TLK1: variants seen among roughly 807,000 people sequenced by gnomAD.
TLK1 encodes the protein serine/threonine-protein kinase tousled-like 1.
A neutral mutation model predicts 105.3 loss-of-function variants in TLK1; 24 were observed. That is an observed-to-expected ratio of 0.23 (90% CI 0.17 to 0.32). The LOEUF is 0.32. Among genes scored for constraint, TLK1 ranks in the 10% least tolerant of loss-of-function variants. The pLI, the probability that TLK1 is intolerant of heterozygous loss-of-function variation, is 1.00. For missense variants in TLK1, 558 were observed against 910.5 expected, an observed-to-expected ratio of 0.61 and a Z score of 4.98; for synonymous variants, 321 against 310.4, an observed-to-expected ratio of 1.03 and a Z score of -0.36.
chr2:171,192,956 T>A (rs567008085), intron 1 of TLK1, among the ~76,000 whole-genome samples: 3 of 152,372 alleles, frequency 2.0e-5, no homozygotes, highest in East Asian at 3.9e-4. Context: ...AGCTGCCTAA[T>A]AGATCAATAT....
intron 1 of TLK1, among the ~76,000 whole-genome samples, chr2:171,185,237 A>G (rs1347587581): frequency 2.0e-5 from 3 of 151,528 alleles, no homozygotes; most frequent in African/African-American, 7.3e-5. Context: ...TTGGGACCTC[A>G]TCATTTCTCC....
intron 3 of TLK1, chr2:171,066,887 G>C (rs1007163194): frequency 6.4e-7 from 1 of 1,552,020 alleles, no homozygotes; most frequent in African/African-American, 1.4e-5. Flanking sequence ...CAGCCATTTA[G>C]AACAACTGCT....
At chr2:171,205,385 C>T (rs218315) in intron 1 of TLK1, among the ~76,000 whole-genome samples, 78,732 of 151,496 alleles carry the variant, frequency 0.52, 21,811 homozygotes, top group East Asian at 0.77. Flanking sequence ...TGCAGTGGCA[C>T]AATCTGAGCT....
At chr2:171,068,578 A>C (rs895142606) in intron 3 of TLK1, among the ~76,000 whole-genome samples, 4 of 152,198 alleles carry the variant, frequency 2.6e-5, no homozygotes, top group Admixed American at 6.5e-5. Flanking sequence ...TTATGCTGGA[A>C]TCTCCAGTCC....
intron 3 of TLK1, among the ~76,000 whole-genome samples, chr2:171,081,428 G>A (rs990437472): frequency 5.3e-5 from 8 of 152,066 alleles, no homozygotes; most frequent in Admixed American, 4.6e-4. Flanking sequence ...TGAAACAGGA[G>A]GCAGGTGAAA....
At chr2:171,107,513 T>A (rs925208496) in intron 2 of TLK1, among the ~76,000 whole-genome samples, 2 of 152,186 alleles carry the variant, frequency 1.3e-5, no homozygotes, top group Non-Finnish European at 2.9e-5. Flanking sequence ...TTATGTATTA[T>A]AACAACAAGC....
chr2:171,144,331 C>G (rs192282450), intron 1 of TLK1, among the ~76,000 whole-genome samples: 8 of 152,000 alleles, frequency 5.3e-5, no homozygotes, highest in African/African-American at 1.4e-4. Context: ...ATGGAAAAGA[C>G]AGCTAGAGAA....
At chr2:171,071,413 G>A (rs913566690) in intron 3 of TLK1, among the ~76,000 whole-genome samples, 1 of 151,820 alleles carries the variant, frequency 6.6e-6, no homozygotes, top group Non-Finnish European at 1.5e-5. Context: ...TCAGCCTCCC[G>A]AGTAGCTGGG....
At chr2:171,209,633 G>A (rs964451011) in intron 1 of TLK1, among the ~76,000 whole-genome samples, 2 of 152,154 alleles carry the variant, frequency 1.3e-5, no homozygotes, top group Admixed American at 1.3e-4. Context: ...TGTATTTGAA[G>A]ATATGATCTT....
intron 11 of TLK1, among the ~76,000 whole-genome samples, chr2:171,032,417 T>C (rs1185172628): frequency 6.6e-6 from 1 of 151,888 alleles, no homozygotes; most frequent in Non-Finnish European, 1.5e-5. Context: ...ATGAGAGCAA[T>C]GCACAAAAAT....
At chr2:171,200,472 G>A (rs1304622772) in intron 1 of TLK1, among the ~76,000 whole-genome samples, 1 of 152,144 alleles carries the variant, frequency 6.6e-6, no homozygotes, top group African/African-American at 2.4e-5. Context: ...CAGTCTTGCC[G>A]CAATGTATTG....
intron 1 of TLK1, among the ~76,000 whole-genome samples, chr2:171,198,169 G>A (rs1693312186): frequency 6.6e-6 from 1 of 152,122 alleles, no homozygotes; most frequent in African/African-American, 2.4e-5. Flanking sequence ...ATAGTTACCA[G>A]AGGTAAGCAA....
chr2:171,006,138 T>C lies in TLK1; in HGVS notation c.1904+9A>G, dbSNP rs1422894088. 1.9e-6 allele frequency: 3 copies of C among 1,567,316 alleles called. No homozygotes were observed. The East Asian group carries it at 6.8e-5, about 35-fold the overall frequency. On this transcript the variant is annotated intron_variant, in intron 18 of 20. Coordinates refer to ENST00000431350, the MANE Select transcript of TLK1 (RefSeq NM_012290.5). ...CTAGACATTCTGATGTTTTTAGTAA[T>C]ACACTTACCAGTAAGTGCCTGCCCC...
At chr2:171,101,268 C>T (rs1037378120) in intron 2 of TLK1, among the ~76,000 whole-genome samples, 2 of 133,068 alleles carry the variant, frequency 1.5e-5, no homozygotes, top group African/African-American at 2.8e-5. Context: ...ATCACTTGAA[C>T]CCAGAAGGTG....
At chr2:171,151,805 T>G (rs1199256114) in intron 1 of TLK1, among the ~76,000 whole-genome samples, 1 of 151,366 alleles carries the variant, frequency 6.6e-6, no homozygotes, top group South Asian at 2.1e-4. Flanking sequence ...GAAATAAGTA[T>G]CTTTAAGTAA....
chr2:171,159,786 G>C (rs969106058), intron 1 of TLK1: 4 of 153,076 alleles, frequency 2.6e-5, no homozygotes, highest in African/African-American at 9.6e-5. Context: ...CCCAGCAAGC[G>C]AGGGGCATCC....
At chr2:171,085,706 T>C (rs1449477644) in intron 2 of TLK1, among the ~76,000 whole-genome samples, 24 of 152,220 alleles carry the variant, frequency 1.6e-4, no homozygotes, top group Admixed American at 1.6e-3. Context: ...CCTGCTCCCA[T>C]GAGCCCTTCC....
At chr2:171,201,390 G>C (rs1693395972) in intron 1 of TLK1, among the ~76,000 whole-genome samples, 2 of 152,092 alleles carry the variant, frequency 1.3e-5, no homozygotes, top group South Asian at 4.1e-4. Flanking sequence ...TTACTAGAGA[G>C]CTGCCATTTA....
chr2:171,043,576 G>A (rs894425916), intron 11 of TLK1, among the ~76,000 whole-genome samples: 1 of 152,030 alleles, frequency 6.6e-6, no homozygotes, highest in Non-Finnish European at 1.5e-5. Flanking sequence ...AAATTGAAGC[G>A]GGAAGAGGGA....
Sources: gnomAD v4.1 joint callset for allele counts (sites outside exome capture counted in the v4.1 genomes callset) on GRCh38, gnomAD v4.1.1 for gene constraint, MANE v1.5 for transcripts, NCBI Gene and HGNC (gene_info 2026-07-23, HGNC 2026-07-21) for gene names.